ILDR1: variants seen among roughly 807,000 people sequenced by gnomAD.
ILDR1 encodes immunoglobulin-like domain-containing receptor 1.
ILDR1 carries 56 observed loss-of-function variants against 62.4 expected under a neutral mutation model. The observed-to-expected ratio is 0.90, with a 90% CI of 0.72 to 1.12. ILDR1 has a LOEUF of 1.12. ILDR1 is among the 50% of genes most tolerant of loss of function. The pLI is 0.00. For missense variants in ILDR1, 736 were observed against 710.6 expected (o/e 1.04, Z -0.41); for synonymous variants, 284 against 277.8 (o/e 1.02, Z -0.22).
chr3:121,991,204 G>GA (rs11352954), intron 7 of ILDR1, among the ~76,000 whole-genome samples: 13 of 146,080 alleles, frequency 8.9e-5, no homozygotes, highest in South Asian at 6.5e-4. Flanking sequence ...GTCTCAAAAA[G>GA]AAAAAAAAAA....
At chr3:122,028,204 C>T in the ILDR1 span, among the ~76,000 whole-genome samples, 164 of 151,458 alleles carry the variant, frequency 1.1e-3, no homozygotes, top group Non-Finnish European at 2.0e-3. Flanking sequence ...GGCGTGGTGG[C>T]GGGCGCCTGT....
chr3:121,997,771 T>G (rs191421861), intron 5 of ILDR1, among the ~76,000 whole-genome samples: 16 of 152,312 alleles, frequency 1.1e-4, no homozygotes, highest in African/African-American at 3.8e-4. Flanking sequence ...CAGTAACTGC[T>G]CTAGGGATGA....
chr3:122,046,661 C>T, the ILDR1 span, among the ~76,000 whole-genome samples: 201 of 150,800 alleles, frequency 1.3e-3, 3 homozygotes, highest in South Asian at 0.012. Flanking sequence ...CGCTTCATTT[C>T]GTTCATTTCA....
intron 6 of ILDR1, 99 bp downstream of exon 6, chr3:121,994,083 G>A (rs1228732042): frequency 1.3e-6 from 2 of 1,501,354 alleles, no homozygotes; most frequent in Admixed American, 2.0e-5. Flanking sequence ...TCTCCATCAT[G>A]AAGATGCCTG....
At chr3:122,047,893 A>C in the ILDR1 span, among the ~76,000 whole-genome samples, 4 of 152,136 alleles carry the variant, frequency 2.6e-5, no homozygotes, top group Non-Finnish European at 5.9e-5. Context: ...TCACGCTGGG[A>C]GCTGTAGACC....
the ILDR1 span, among the ~76,000 whole-genome samples, chr3:122,033,319 GT>G: frequency 1.3e-5 from 2 of 150,830 alleles, no homozygotes; most frequent in East Asian, 2.0e-4. Context: ...GGAATCTTTT[GT>G]TTTTTTATTT....
At chr3:122,042,072 C>T in the ILDR1 span, among the ~76,000 whole-genome samples, 2 of 103,838 alleles carry the variant, frequency 1.9e-5, no homozygotes, top group East Asian at 3.0e-4. Flanking sequence ...CCCCCTCCCC[C>T]CACCCCACCA....
chr3:122,060,545 G>A, the ILDR1 span, among the ~76,000 whole-genome samples: 4 of 152,096 alleles, frequency 2.6e-5, no homozygotes, highest in African/African-American at 9.7e-5. Context: ...TGACTCAGGA[G>A]GCGGAGGTGG....
At chr3:121,991,114 C>T (rs779253439) in intron 7 of ILDR1, among the ~76,000 whole-genome samples, 1 of 152,046 alleles carries the variant, frequency 6.6e-6, no homozygotes, top group Non-Finnish European at 1.5e-5. Context: ...GCTGGAGAAT[C>T]GCTTGAACTG....
chr3:122,013,211 T>C (rs570202212), intron 1 of ILDR1, among the ~76,000 whole-genome samples: 1 of 152,320 alleles, frequency 6.6e-6, no homozygotes, highest in East Asian at 1.9e-4. Flanking sequence ...ATTTCCTGTG[T>C]AGTATTAGAT....
chr3:122,052,642 C>T, the ILDR1 span, among the ~76,000 whole-genome samples: 7 of 152,150 alleles, frequency 4.6e-5, no homozygotes, highest in Non-Finnish European at 7.3e-5. Flanking sequence ...GGCGCAATCT[C>T]GGCTCACTGC....
rs559607245 is a variant in ILDR1 at position 122,001,672 on chromosome 3, T to G, written c.499+73A>C. 117 of 1,599,526 alleles carry G rather than the reference T, an allele frequency of 7.3e-5. 1 individual carries two copies. The African/African-American group carries it at 1.4e-3, about 19-fold the overall frequency. On this transcript the variant is annotated intron_variant, in intron 4 of 7. Transcript: ENST00000344209. ...CTTAGGCTTGCTTATTTCTGGTTTT[T>G]TTTTTTTTTTCCTGTGAGTAAAAGT...
intron 1 of ILDR1, among the ~76,000 whole-genome samples, chr3:122,011,675 T>C (rs1448933339): frequency 2.6e-5 from 1 of 37,786 alleles, no homozygotes; most frequent in Admixed American, 2.8e-4. Flanking sequence ...TCTCTCTCTC[T>C]TTCACACACA....
intron 5 of ILDR1, among the ~76,000 whole-genome samples, chr3:121,996,745 T>C (rs938781936): frequency 1.3e-5 from 2 of 152,098 alleles, no homozygotes; most frequent in African/African-American, 2.4e-5. Flanking sequence ...GGCAAGAAAA[T>C]TTGTATTTTC....
At chr3:122,049,718 T>C in the ILDR1 span, among the ~76,000 whole-genome samples, 1 of 152,304 alleles carries the variant, frequency 6.6e-6, no homozygotes, top group East Asian at 1.9e-4. Context: ...TTAATCCCCA[T>C]TGTGGTGGTT....
intron 5 of ILDR1, 23 bp from the exon 6 acceptor site, chr3:121,994,336 G>T (rs1248263852): frequency 2.6e-6 from 4 of 1,525,662 alleles, no homozygotes; most frequent in Middle Eastern, 1.8e-4. Flanking sequence ...AAGGAGAAAT[G>T]CAGGCCCTCA....
chr3:122,002,806 T>G (rs969520203), intron 3 of ILDR1, among the ~76,000 whole-genome samples: 2 of 152,132 alleles, frequency 1.3e-5, no homozygotes, highest in African/African-American at 4.8e-5. Context: ...GTGTGTATTG[T>G]TCCCCCCATG....
In ILDR1 at chr3:121,988,194, C is replaced by G. The variant is rs941380433; in HGVS notation, c.*173G>C. The G allele has an allele frequency of 1.5e-6, 1 of 686,780 alleles. No homozygotes were observed. The highest frequency in any genetic ancestry group is 2.7e-6 in the Non-Finnish European group (1 of 372,596). The allele number at this position is 686,780 out of a possible 1,614,324, so 42.5% of individuals were successfully genotyped here. ...GTGCTGTGATTACAGGTGTGAGCCA[C>G]TATACCCAATCTCAAACTCTTGTAT... On this transcript the variant is annotated 3_prime_UTR_variant, in exon 8 of 8. Transcript: ENST00000344209.
intron 5 of ILDR1, among the ~76,000 whole-genome samples, chr3:121,996,706 G>A (rs547793625): frequency 6.6e-6 from 1 of 152,242 alleles, no homozygotes; most frequent in South Asian, 2.1e-4. Context: ...CTCACTCCCA[G>A]GGACTCTCCT....
Sources: allele counts gnomAD v4.1 joint callset (sites outside exome capture counted in the v4.1 genomes callset), GRCh38; gene constraint gnomAD v4.1.1; transcripts MANE v1.5; gene names NCBI Gene and HGNC (gene_info 2026-07-23, HGNC 2026-07-21).